ARHGAP10: variants seen among roughly 807,000 people sequenced by gnomAD.
ARHGAP10 encodes the protein rho GTPase-activating protein 10.
ARHGAP10 carries 87 observed loss-of-function variants against 108.6 expected under a neutral mutation model. That is an observed-to-expected ratio of 0.80 (90% CI 0.67 to 0.96). ARHGAP10 has a LOEUF of 0.96. Among genes scored for constraint, ARHGAP10 ranks in the 40% least tolerant of loss-of-function variants. ARHGAP10 has a pLI of 0.00. For synonymous variants in ARHGAP10, 347 were observed against 341.1 expected (o/e 1.02, Z -0.19); for missense variants, 939 against 954.5 (o/e 0.98, Z 0.21).
chr4:147,909,281 G>C (rs1483284681), intron 11 of ARHGAP10, among the ~76,000 whole-genome samples: 1 of 152,150 alleles, frequency 6.6e-6, no homozygotes, highest in African/African-American at 2.4e-5. Flanking sequence ...GCCCTCAGTG[G>C]GTACACCAGC....
At chr4:147,947,295 A>G (rs1274048121) in intron 15 of ARHGAP10, among the ~76,000 whole-genome samples, 2 of 150,358 alleles carry the variant, frequency 1.3e-5, no homozygotes, top group East Asian at 2.0e-4. Context: ...AAGAACAAGT[A>G]TATAGACAGT....
At chr4:147,746,010 G>A (rs906319651) in intron 1 of ARHGAP10, among the ~76,000 whole-genome samples, 1 of 138,366 alleles carries the variant, frequency 7.2e-6, no homozygotes, top group African/African-American at 2.7e-5. Context: ...GGCTTATCTC[G>A]AACTCCTGAC....
intron 1 of ARHGAP10, among the ~76,000 whole-genome samples, chr4:147,755,426 G>A (rs532214665): frequency 6.6e-6 from 1 of 152,238 alleles, no homozygotes; most frequent in African/African-American, 2.4e-5. Context: ...GGGAGGCTGA[G>A]GCAGGAGAAT....
intron 1 of ARHGAP10, among the ~76,000 whole-genome samples, chr4:147,740,494 T>C (rs1291944831): frequency 6.6e-6 from 1 of 152,202 alleles, no homozygotes; most frequent in African/African-American, 2.4e-5. Flanking sequence ...TTGATCTAGT[T>C]AGGATATTCT....
At chr4:148,042,297 C>A (rs374180600) in intron 19 of ARHGAP10, among the ~76,000 whole-genome samples, 1 of 152,214 alleles carries the variant, frequency 6.6e-6, no homozygotes, top group South Asian at 2.1e-4. Flanking sequence ...AAGCTGTTCT[C>A]CAGATCGTAT....
chr4:147,875,338 G>T (rs1007879799), intron 8 of ARHGAP10, among the ~76,000 whole-genome samples, 188 bp downstream of exon 8: 1 of 152,168 alleles, frequency 6.6e-6, no homozygotes, highest in Non-Finnish European at 1.5e-5. Flanking sequence ...GAGAGAGGGG[G>T]TACTGTGAGG....
At chr4:147,753,351 TTTTC>T (rs1317725099) in intron 1 of ARHGAP10, among the ~76,000 whole-genome samples, 3 of 62,988 alleles carry the variant, frequency 4.8e-5, no homozygotes, top group Admixed American at 2.2e-4. Context: ...TTTTCTTTTC[TTTTC>T]TTTTTTTTTT....
At chr4:148,031,010 G>T (rs932794776) in intron 19 of ARHGAP10, among the ~76,000 whole-genome samples, 2 of 152,084 alleles carry the variant, frequency 1.3e-5, no homozygotes, top group African/African-American at 4.8e-5. Flanking sequence ...AGCGAGCCGT[G>T]ATTATACCAC....
chr4:147,817,014 G>A (rs764749952), intron 1 of ARHGAP10, among the ~76,000 whole-genome samples: 20 of 152,100 alleles, frequency 1.3e-4, no homozygotes, highest in Non-Finnish European at 2.2e-4. Context: ...TAATTATGTG[G>A]CTCTCTACAT....
At chr4:147,866,627 C>A in intron 6 of ARHGAP10, 85 bp from the exon 7 acceptor site, 1 of 917,726 alleles carries the variant, frequency 1.1e-6, no homozygotes, top group Non-Finnish European at 1.7e-6. Context: ...AGTGAGATGG[C>A]GGGGGGAACA....
At chr4:147,781,930 G>T (rs1407205634) in intron 1 of ARHGAP10, among the ~76,000 whole-genome samples, 2 of 152,030 alleles carry the variant, frequency 1.3e-5, no homozygotes, top group Non-Finnish European at 2.9e-5. Context: ...TTAAATCTGA[G>T]TTTCCACATT....
chr4:147,751,713 G>A (rs1450785089), intron 1 of ARHGAP10, among the ~76,000 whole-genome samples: 1 of 142,044 alleles, frequency 7.0e-6, no homozygotes, highest in Non-Finnish European at 1.5e-5. Context: ...ACTGTGCCCA[G>A]TGTTTTCACA....
intron 13 of ARHGAP10, among the ~76,000 whole-genome samples, chr4:147,926,978 C>T (rs1737487822): frequency 6.6e-6 from 1 of 152,070 alleles, no homozygotes; most frequent in African/African-American, 2.4e-5. Flanking sequence ...TCCCCATTCG[C>T]ATGAGCCCCT....
chr4:147,849,057 T>A (rs1160761457), intron 4 of ARHGAP10, among the ~76,000 whole-genome samples: 1 of 152,218 alleles, frequency 6.6e-6, no homozygotes, highest in African/African-American at 2.4e-5. Context: ...GTTGTACCTA[T>A]GGATGTCACC....
At chr4:147,997,716 A>C (rs1013823524) in intron 18 of ARHGAP10, among the ~76,000 whole-genome samples, 1 of 152,222 alleles carries the variant, frequency 6.6e-6, no homozygotes, top group Non-Finnish European at 1.5e-5. Context: ...GAATCCACTA[A>C]ATTTCAAGAA....
intron 7 of ARHGAP10, among the ~76,000 whole-genome samples, chr4:147,873,072 G>A (rs1199359235): frequency 6.6e-6 from 1 of 152,218 alleles, no homozygotes; most frequent in African/African-American, 2.4e-5. Flanking sequence ...TCCTAAGGCT[G>A]TCTGCTGAGA....
intron 10 of ARHGAP10, among the ~76,000 whole-genome samples, chr4:147,896,664 A>G (rs1420538259): frequency 6.6e-6 from 1 of 151,738 alleles, no homozygotes; most frequent in Non-Finnish European, 1.5e-5. Flanking sequence ...ATTTTTTTTC[A>G]ACTTTGGATT....
At chr4:147,872,201 C>T (rs1365714470) in intron 7 of ARHGAP10, among the ~76,000 whole-genome samples, 2 of 150,764 alleles carry the variant, frequency 1.3e-5, no homozygotes, top group Non-Finnish European at 1.5e-5. Context: ...GAGGCGTCTG[C>T]GGCAGGGATG....
At chr4:147,864,362 GCC>G (rs1734456676) in intron 5 of ARHGAP10, 1 of 153,194 alleles carries the variant, frequency 6.5e-6, no homozygotes, top group African/African-American at 2.4e-5. Flanking sequence ...CTTCTCACTT[GCC>G]GCCATCACTC....
Sources: gnomAD v4.1 joint callset for allele counts (sites outside exome capture counted in the v4.1 genomes callset) on GRCh38, gnomAD v4.1.1 for gene constraint, MANE v1.5 for transcripts, NCBI Gene and HGNC (gene_info 2026-07-23, HGNC 2026-07-21) for gene names.